Variants in PKNOX2 observed in about 807,000 individuals in gnomAD.
The protein encoded by PKNOX2 is PBX/knotted 1 homeobox 2.
Under a neutral mutation model 53.1 loss-of-function variants are expected in PKNOX2, and 14 were observed. The ratio of observed to expected loss-of-function variants is 0.26; its 90% CI spans 0.17 to 0.41. The LOEUF (loss-of-function observed/expected upper bound fraction) is 0.41. PKNOX2 is among the 10% of genes least tolerant of loss of function. The pLI is 1.00. For synonymous variants in PKNOX2, 257 were observed against 242.8 expected (o/e 1.06, Z -0.54); for missense variants, 496 against 602.8 (o/e 0.82, Z 1.85).
chr11:125,297,248 A>G (rs1171540875), intron 2 of PKNOX2, among the ~76,000 whole-genome samples: 1 of 152,268 alleles, frequency 6.6e-6, no homozygotes, highest in Non-Finnish European at 1.5e-5. Context: ...AGAGTTCAGA[A>G]TGGAGGCAGA....
intron 1 of PKNOX2, among the ~76,000 whole-genome samples, chr11:125,230,504 C>T (rs1282159598): frequency 6.6e-6 from 1 of 152,192 alleles, no homozygotes. Flanking sequence ...CCATCTCAAT[C>T]AGATTTTTCC....
In PKNOX2 at chr11:125,385,991, G is replaced by C. The variant is rs184759642; in HGVS notation, c.399+269G>C. On this transcript the variant is annotated intron_variant, in intron 6 of 12. Coordinates refer to ENST00000298282, the MANE Select transcript of PKNOX2 (RefSeq NM_001382323.2). ...ATCTTAGCACCCACCCTTTTACAGTGCAGACAGGAGGAAAGAAGGGTCATA... is the reference window on the plus strand; with the variant it reads ...ATCTTAGCACCCACCCTTTTACAGTCCAGACAGGAGGAAAGAAGGGTCATA... Among the ~76,000 whole-genome samples the C allele has an allele frequency of 5.9e-5, 9 of 152,314 alleles. No homozygotes were observed. The East Asian group carries it at 1.5e-3, about 26-fold the overall frequency.
chr11:125,303,660 C>T (rs893205661), intron 2 of PKNOX2, among the ~76,000 whole-genome samples: 2 of 152,192 alleles, frequency 1.3e-5, no homozygotes, highest in African/African-American at 4.8e-5. Context: ...ATTTCTCTTT[C>T]CACTTTTGGG....
At chr11:125,338,937 T>C (rs1407512322) in intron 3 of PKNOX2, among the ~76,000 whole-genome samples, 1 of 152,214 alleles carries the variant, frequency 6.6e-6, no homozygotes, top group Non-Finnish European at 1.5e-5. Context: ...ATGGGTTGCG[T>C]TGCGCAAGTC....
chr11:125,411,948 G>T, intron 10 of PKNOX2, 83 bp downstream of exon 10: 3 of 1,586,110 alleles, frequency 1.9e-6, no homozygotes, highest in Non-Finnish European at 1.7e-6. Flanking sequence ...TCTGCTGTCG[G>T]CTCCAAACCC....
chr11:125,363,445 G>A (rs73618199), intron 4 of PKNOX2, among the ~76,000 whole-genome samples: 2,967 of 152,332 alleles, frequency 0.019, 99 homozygotes, highest in African/African-American at 0.067. Context: ...TGGCAGAGGA[G>A]CATCAAACCC....
rs184719559 is a variant in PKNOX2, at chr11:125,398,769, C to A, written c.588+707C>A. On this transcript the variant is annotated intron_variant, in intron 7 of 12. Coordinates refer to ENST00000298282, the MANE Select transcript of PKNOX2 (RefSeq NM_001382323.2). ...AAACCGAGAAAGCTGCCTGGCAATACCTTCCCGCCCAACTCACAGACATCT... is the reference window on the plus strand; with the variant it reads ...AAACCGAGAAAGCTGCCTGGCAATAACTTCCCGCCCAACTCACAGACATCT... 9.2e-5 allele frequency among the ~76,000 whole-genome samples: 14 copies of A among 152,350 alleles called. No homozygotes were observed. The East Asian group carries it at 2.7e-3, about 29-fold the overall frequency.
intron 6 of PKNOX2, among the ~76,000 whole-genome samples, chr11:125,392,954 C>A (rs1181898380): frequency 1.3e-5 from 2 of 151,592 alleles, no homozygotes; most frequent in African/African-American, 4.8e-5. Flanking sequence ...GTCAGGAGAT[C>A]GAGACTATCC....
chr11:125,247,480 G>A (rs190683142), intron 2 of PKNOX2, among the ~76,000 whole-genome samples: 68 of 152,286 alleles, frequency 4.5e-4, no homozygotes, highest in African/African-American at 1.5e-3. Context: ...AGGCCCTGGG[G>A]TCATCTCTTC....
chr11:125,318,196 C>A (rs1949318707), intron 2 of PKNOX2, among the ~76,000 whole-genome samples: 1 of 152,042 alleles, frequency 6.6e-6, no homozygotes, highest in Admixed American at 6.6e-5. Context: ...AACTTCTGCC[C>A]CCTGGGTTCA....
At chr11:125,325,623 A>C (rs1181765966) in intron 2 of PKNOX2, among the ~76,000 whole-genome samples, 1 of 152,246 alleles carries the variant, frequency 6.6e-6, no homozygotes, top group Non-Finnish European at 1.5e-5. Context: ...TGAAAGACTC[A>C]GTCTACGTCA....
chr11:125,305,835 A>T (rs1206114125), intron 2 of PKNOX2, among the ~76,000 whole-genome samples: 1 of 152,172 alleles, frequency 6.6e-6, no homozygotes, highest in African/African-American at 2.4e-5. Flanking sequence ...AGCCTCCTGA[A>T]AGAATATTCC....
chr11:125,335,413 T>C (rs1485487365), intron 3 of PKNOX2, among the ~76,000 whole-genome samples: 2 of 152,212 alleles, frequency 1.3e-5, no homozygotes, highest in Non-Finnish European at 2.9e-5. Context: ...GTGTTCCTTC[T>C]CTGTGAATGA....
At position 125,227,349 on chromosome 11, in the gene PKNOX2, C is replaced by T. The variant is rs144891309; in HGVS notation, c.-200-7696C>T. Among the ~76,000 whole-genome samples the T allele has an allele frequency of 5.6e-3, 857 of 152,260 alleles. 6 individuals carry two copies. Among genetic ancestry groups the T allele is most frequent in the African/African-American group, 0.019 (804 of 41,558 alleles). The stretch of plus-strand genomic sequence containing the variant: ...CTTTCCTCTTGCAAAACTGAAACTC[C>T]GTAGTCAGTAAGCAACAACTCCCCA... On this transcript the variant is annotated intron_variant, in intron 1 of 12. Transcript: ENST00000298282.
At chr11:125,243,323 C>G (rs559622043) in intron 2 of PKNOX2, among the ~76,000 whole-genome samples, 138 of 152,318 alleles carry the variant, frequency 9.1e-4, no homozygotes, top group African/African-American at 3.2e-3. Context: ...CTTCCCTCTC[C>G]CCTTCTGGGT....
intron 6 of PKNOX2, among the ~76,000 whole-genome samples, chr11:125,392,887 G>T (rs184032064): frequency 6.6e-6 from 1 of 152,042 alleles, no homozygotes; most frequent in Non-Finnish European, 1.5e-5. Flanking sequence ...GGCCGGGCGC[G>T]GTGGCTCACG....
rs75462152 is a variant in PKNOX2, at chr11:125,392,236, C to T, written c.400-5638C>T. On this transcript the variant is annotated intron_variant, in intron 6 of 12. Transcript: ENST00000298282. Reference sequence around the variant, plus strand: ...TCAAATCTTGTGAGTTAGAGATGAACATTATCCCCATTTTACACGTAAAGA... The same window carrying T: ...TCAAATCTTGTGAGTTAGAGATGAATATTATCCCCATTTTACACGTAAAGA... Among the ~76,000 whole-genome samples the T allele has an allele frequency of 1.4e-4, 22 of 152,288 alleles. No individual in the cohort carries two copies. In the East Asian group the frequency reaches 4.2e-3, roughly 29 times the overall value.
chr11:125,213,844 G>T (rs1940174497), intron 1 of PKNOX2, among the ~76,000 whole-genome samples: 1 of 152,056 alleles, frequency 6.6e-6, no homozygotes, highest in Non-Finnish European at 1.5e-5. Flanking sequence ...GAGTGAGATG[G>T]TGCGCACAGA....
At chr11:125,249,319 A>G (rs1943821420) in intron 2 of PKNOX2, among the ~76,000 whole-genome samples, 1 of 152,136 alleles carries the variant, frequency 6.6e-6, no homozygotes, top group Non-Finnish European at 1.5e-5. Context: ...GTCCTCAATG[A>G]TTTACTTCTA....
Sources: allele counts gnomAD v4.1 joint callset (sites outside exome capture counted in the v4.1 genomes callset), GRCh38; gene constraint gnomAD v4.1.1; transcripts MANE v1.5; gene names NCBI Gene and HGNC (gene_info 2026-07-23, HGNC 2026-07-21).